DMWD: variants seen among roughly 807,000 people sequenced by gnomAD.
DMWD encodes DM1 locus, WD repeat containing.
A neutral mutation model predicts 45.8 loss-of-function variants in DMWD; 19 were observed. The ratio of observed to expected loss-of-function variants is 0.41; its 90% CI spans 0.29 to 0.61. The LOEUF is 0.61. Ranked by LOEUF, DMWD falls within the 20% of genes least tolerant of loss-of-function variation. The pLI, the probability that DMWD is intolerant of heterozygous loss-of-function variation, is 0.25. For synonymous variants in DMWD, 515 were observed against 440.5 expected (o/e 1.17, Z -2.12); for missense variants, 802 against 965.2 (o/e 0.83, Z 2.24).
intron 2 of DMWD, among the ~76,000 whole-genome samples, chr19:45,788,091 AG>A (rs1162204419): frequency 2.0e-5 from 3 of 151,978 alleles, no homozygotes; most frequent in African/African-American, 7.2e-5. Context: ...TAAAAAAAAA[AG>A]AAAAAATACA....
In DMWD at chr19:45,783,567, C is replaced by T. The variant is rs960139348; in HGVS notation, c.*676G>A. 7.5e-6 allele frequency: 3 copies of T among 398,624 alleles called. No individual in the cohort carries two copies. Among genetic ancestry groups the T allele is most frequent in the Non-Finnish European group, 4.4e-6 (1 of 226,208 alleles). 24.7% of individuals were successfully genotyped at this position (398,624 alleles called of 1,614,324 possible). ...TCACCAGTTGTGTGACTCGCAGGTC[C>T]GTTCCCTCCCTGGGCTCCGGCTTTT... On this transcript the variant is annotated 3_prime_UTR_variant, in exon 5 of 5. Transcript: ENST00000270223.
At position 45,786,461 on chromosome 19, in the gene DMWD, G is replaced by C. The variant is rs142998214; in HGVS notation, c.1035C>G (p.Gly345=). 3 of 1,612,696 alleles carry C rather than the reference G, an allele frequency of 1.9e-6. No homozygotes were observed. Among genetic ancestry groups the C allele is most frequent in the African/African-American group, 2.7e-5 (2 of 74,882 alleles). Residue 345 remains glycine (G), a synonymous_variant, in exon 3 of 5, where the codon GGC becomes GGG. Coordinates refer to ENST00000270223, the MANE Select transcript of DMWD (RefSeq NM_004943.2). ...SPDGRYVVTG[G]EDDLVTVWSF... is the part of the protein sequence containing the mutation. Reference sequence around the variant, plus strand: ...ACCACACGGTGACCAGGTCATCTTCGCCACCCGTCACCACGTAGCGGCCGT... The same window carrying C: ...ACCACACGGTGACCAGGTCATCTTCCCCACCCGTCACCACGTAGCGGCCGT...
intron 2 of DMWD, chr19:45,787,156 C>G: frequency 1.9e-6 from 1 of 530,152 alleles, no homozygotes; most frequent in Non-Finnish European, 3.4e-6. Flanking sequence ...CTGCTTGCCA[C>G]AGAATTGTCC....
chr19:45,783,994 T>C lies in DMWD; in HGVS notation c.*249A>G. 3.1e-6 allele frequency: 2 copies of C among 638,314 alleles called. No individual in the cohort carries two copies. Among genetic ancestry groups the C allele is most frequent in the Non-Finnish European group, 5.5e-6 (2 of 362,008 alleles). 39.5% of individuals were successfully genotyped at this position (638,314 alleles called of 1,614,324 possible). A position where few individuals can be genotyped will look rare whatever the true frequency, so the allele number is the denominator to read the frequency against. On this transcript the variant is annotated 3_prime_UTR_variant, in exon 5 of 5. Coordinates refer to ENST00000270223, the MANE Select transcript of DMWD (RefSeq NM_004943.2). ...CTGGGGACAGGGATGAGGGTAACAC[T>C]GATGTTTCAGAGGAAGAGGTCATTG...
chr19:45,792,451 C>A lies in DMWD; in HGVS notation c.306G>T (p.Gly102=). The part of the protein sequence containing the change: ...PAVRLSLVRL[G]EPDSAGAGEP... The stretch of plus-strand genomic sequence containing the variant: ...CCCCGGCCCCGGCGCTGTCCGGCTC[C>A]CCGAGGCGCACGAGGCTGAGGCGCA... Residue 102 remains glycine, a synonymous_variant, in exon 1 of 5, where the codon GGG becomes GGT. Coordinates refer to ENST00000270223, the MANE Select transcript of DMWD (RefSeq NM_004943.2). The A allele has an allele frequency of 6.7e-7, 1 of 1,491,528 alleles. No homozygotes were observed. The highest frequency in any genetic ancestry group is 8.9e-7 in the Non-Finnish European group (1 of 1,118,318). 92.4% of individuals were successfully genotyped at this position (1,491,528 alleles called of 1,614,324 possible).
Position 45,786,797 on chromosome 19 carries a change from G to A in DMWD, c.699C>T (p.His233=), listed in dbSNP as rs148668647. 3.7e-5 allele frequency: 60 copies of A among 1,614,162 alleles called. 1 individual carries two copies. Among genetic ancestry groups the A allele is most frequent in the Middle Eastern group, 1.7e-4 (1 of 6,038 alleles). ...TGTACAGGTACAGGTGGCCACTGGC[G>A]TGTGATGCCAGGAACAGGCTCTCCG... The part of the protein sequence containing the change: ...PESESLFLAS[H]ASGHLYLYNV... Residue 233 remains histidine (H), a synonymous_variant, in exon 3 of 5, where the codon CAC becomes CAT. Transcript: ENST00000270223.
Position 45,786,218 on chromosome 19 carries a change from G to A in DMWD, c.1278C>T (p.Ser426=). The part of the protein sequence containing the change: ...APLSPLPKAG[S]ITYRFGSAGQ... ...CCGCCGAGCCAAAGCGGTAAGTAATGGAGCCAGCCTTGGGCAGTGGAGAGA... is the reference window on the plus strand; with the variant it reads ...CCGCCGAGCCAAAGCGGTAAGTAATAGAGCCAGCCTTGGGCAGTGGAGAGA... The change falls in exon 3 of 5, where the codon TCC becomes TCT. Residue 426 remains serine (S), a synonymous_variant. Transcript: ENST00000270223. The A allele has an allele frequency of 1.9e-6, 3 of 1,611,512 alleles. No individual in the cohort carries two copies. Among genetic ancestry groups the A allele is most frequent in the East Asian group, 2.2e-5 (1 of 44,838 alleles).
Position 45,792,393 on chromosome 19 carries a change from C to G in DMWD, c.364G>C (p.Gly122Arg), listed in dbSNP as rs751856273. 13 of 1,601,908 alleles carry G rather than the reference C, an allele frequency of 8.1e-6. No individual in the cohort carries two copies. Among genetic ancestry groups the G allele is most frequent in the African/African-American group, 1.4e-5 (1 of 73,794 alleles). The change falls in exon 1 of 5, where the codon GGG becomes CGG. Residue 122 changes from glycine to arginine, a missense_variant. By Grantham distance (125) the Gly-to-Arg change is moderately radical. Coordinates refer to ENST00000270223, the MANE Select transcript of DMWD (RefSeq NM_004943.2). ...PPATPAGLGS[G>R]GDRVCFNLGR... ...AAGTTGAAGCAGACGCGGTCTCCCCCCGAGCCCAGCCCCGCGGGCGTGGCG... is the reference window on the plus strand; with the variant it reads ...AAGTTGAAGCAGACGCGGTCTCCCCGCGAGCCCAGCCCCGCGGGCGTGGCG...
chr19:45,792,796 C>G lies in DMWD; in HGVS notation c.-40G>C, dbSNP rs1252577999. 2 of 1,096,096 alleles carry G rather than the reference C, an allele frequency of 1.8e-6. No individual in the cohort carries two copies. Among genetic ancestry groups the G allele is most frequent in the African/African-American group, 3.3e-5 (2 of 59,778 alleles). The allele number at this position is 1,096,096 out of a possible 1,614,324, so 67.9% of individuals were successfully genotyped here. Reference sequence around the variant, plus strand: ...GGGCCCCGCCACTGCCGGACTGCCGCCCGCAGCCGGGCCCCCTCCCGGAAG... The same window carrying G: ...GGGCCCCGCCACTGCCGGACTGCCGGCCGCAGCCGGGCCCCCTCCCGGAAG... On this transcript the variant is annotated 5_prime_UTR_variant, in exon 1 of 5. Transcript: ENST00000270223.
chr19:45,786,043 G>A lies in DMWD; in HGVS notation c.1453C>T (p.Pro485Ser), dbSNP rs1183908627. 6 of 1,534,432 alleles carry A rather than the reference G, an allele frequency of 3.9e-6. No individual in the cohort carries two copies. Among genetic ancestry groups the A allele is most frequent in the Non-Finnish European group, 5.3e-6 (6 of 1,140,186 alleles). The change falls in exon 3 of 5, where the codon CCC (proline) becomes TCC (serine). Residue 485 changes from proline to serine, a missense_variant. By Grantham distance (74) the Pro-to-Ser change is moderately conservative. Around this residue, in one of 9 missense-constraint regions of DMWD, gnomAD observed 303 missense variants for 332.9 expected, o/e 0.91. Coordinates refer to ENST00000270223, the MANE Select transcript of DMWD (RefSeq NM_004943.2). ...GAGCGGGACAGCGAGCGAGGCAGGG[G>A]GCCTGGGCCAGGCTCGCCACCCCTC... ...SSRGGEPGPG[P>S]LPRSLSRSNS...
Position 45,785,688 on chromosome 19 carries a change from T to C in DMWD, c.1808A>G (p.Gln603Arg). The C allele has an allele frequency of 6.2e-7, 1 of 1,601,472 alleles. No individual in the cohort carries two copies. Among genetic ancestry groups the C allele is most frequent in the South Asian group, 1.1e-5 (1 of 89,768 alleles). ...GAACAGGAGGACTGTGAGCCGCTCC[T>C]GGGCGATCTTCTTGCACACAAGGGG... is the stretch of plus-strand genomic sequence containing the variant. ...LEPLVCKKIA[Q>R]ERLTVLLFLE... The change falls in exon 3 of 5, where the codon CAG becomes CGG. Residue 603 changes from glutamine to arginine, a missense_variant. Coordinates refer to ENST00000270223, the MANE Select transcript of DMWD (RefSeq NM_004943.2).
In DMWD at chr19:45,786,481, G is replaced by T; in HGVS notation, c.1015C>A (p.Arg339Ser). ...TCTTCGCCACCCGTCACCACGTAGC[G>T]GCCGTCAGGGCTCCAGCACACACAC... ...LLCVCWSPDG[R>S]YVVTGGEDDL... Residue 339 changes from arginine to serine, a missense_variant, in exon 3 of 5, where the codon CGC (arginine) becomes AGC (serine). By Grantham distance (110) the Arg-to-Ser change is moderately radical (BLOSUM62 -1). This residue lies in a region of DMWD where 146 missense variants were observed against 212.8 expected (regional missense o/e 0.69). Coordinates refer to ENST00000270223, the MANE Select transcript of DMWD (RefSeq NM_004943.2). 1 of 1,612,816 alleles carries T rather than the reference G, an allele frequency of 6.2e-7. No homozygotes were observed. Among genetic ancestry groups the T allele is most frequent in the Non-Finnish European group, 8.5e-7 (1 of 1,178,966 alleles).
chr19:45,784,853 G>C, intron 3 of DMWD, 138 bp from the exon 4 acceptor site: 1 of 1,398,618 alleles, frequency 7.1e-7, no homozygotes, highest in Non-Finnish European at 9.4e-7. Context: ...AGGATCTGAG[G>C]AACCAAGCCA....
intron 3 of DMWD, chr19:45,785,361 C>A (rs1970255993): frequency 1.6e-6 from 2 of 1,239,108 alleles, no homozygotes; most frequent in Non-Finnish European, 2.0e-6. Context: ...TGCCCCAATT[C>A]CTAGCTGGCT....
chr19:45,788,728 A>G (rs1260140569), intron 2 of DMWD, among the ~76,000 whole-genome samples: 2 of 152,016 alleles, frequency 1.3e-5, no homozygotes, highest in Non-Finnish European at 2.9e-5. Context: ...CAGGAGTTCG[A>G]GACCAGCTTG....
In DMWD at chr19:45,785,693, G is replaced by A. The variant is rs781640052; in HGVS notation, c.1803C>T (p.Ile601=). 2.9e-5 allele frequency: 47 copies of A among 1,601,748 alleles called. No homozygotes were observed. Among genetic ancestry groups the A allele is most frequent in the South Asian group, 2.4e-4 (22 of 89,836 alleles). Reference sequence around the variant, plus strand: ...GGAGGACTGTGAGCCGCTCCTGGGCGATCTTCTTGCACACAAGGGGCTCCA... The same window carrying A: ...GGAGGACTGTGAGCCGCTCCTGGGCAATCTTCTTGCACACAAGGGGCTCCA... The part of the protein sequence containing the change: ...PLLEPLVCKK[I]AQERLTVLLF... Residue 601 remains isoleucine (I), a synonymous_variant, in exon 3 of 5, where the codon ATC becomes ATT. Coordinates refer to ENST00000270223, the MANE Select transcript of DMWD (RefSeq NM_004943.2).
chr19:45,788,697 A>G (rs1026477096), intron 2 of DMWD, among the ~76,000 whole-genome samples: 1 of 152,140 alleles, frequency 6.6e-6, no homozygotes, highest in African/African-American at 2.4e-5. Context: ...GGGAGGCCAA[A>G]GCAGGAGAAT....
chr19:45,791,771 G>A (rs944221774), intron 1 of DMWD, among the ~76,000 whole-genome samples: 1 of 151,876 alleles, frequency 6.6e-6, no homozygotes. Flanking sequence ...GCTTCCGGAC[G>A]CTCATCTCCT....
At chr19:45,784,322 G>T (rs1227224410) in intron 4 of DMWD, 32 bp from the exon 5 acceptor site, 2 of 1,501,268 alleles carry the variant, frequency 1.3e-6, no homozygotes, top group Admixed American at 4.6e-5. Context: ...GATGGGAGGG[G>T]TTAGAGACCA....
Sources: allele counts gnomAD v4.1 joint callset (sites outside exome capture counted in the v4.1 genomes callset), GRCh38; gene constraint gnomAD v4.1.1; regional missense constraint gnomAD v4.1.1; transcripts MANE v1.5; gene names NCBI Gene and HGNC (gene_info 2026-07-23, HGNC 2026-07-21).